Variants in MSRA observed in about 807,000 individuals in gnomAD.
MSRA encodes mitochondrial peptide methionine sulfoxide reductase.
MSRA carries 54 observed loss-of-function variants against 31.3 expected under a neutral mutation model. That is an observed-to-expected ratio of 1.73 (90% CI 1.39 to 2.17). MSRA has a LOEUF of 2.17. Among genes scored for constraint, MSRA ranks in the 30% most tolerant of loss-of-function variants. The probability of loss-of-function intolerance (pLI) is 0.00; values close to 1 mark genes in which losing one functional copy is unlikely to be tolerated. For missense variants in MSRA, 507 were observed against 300.9 expected, an observed-to-expected ratio of 1.69 and a Z score of -5.07; for synonymous variants, 169 against 116.5, an observed-to-expected ratio of 1.45 and a Z score of -2.90.
chr8:10,087,177 A>T (rs11774162), intron 1 of MSRA, among the ~76,000 whole-genome samples: 2 of 152,292 alleles, frequency 1.3e-5, no homozygotes, highest in Non-Finnish European at 2.9e-5. Flanking sequence ...ATGTGCCTCT[A>T]TATTTCCCAG....
intron 3 of MSRA, among the ~76,000 whole-genome samples, chr8:10,260,460 C>G (rs1585301056): frequency 6.6e-6 from 1 of 152,152 alleles, no homozygotes; most frequent in African/African-American, 2.4e-5. Context: ...TCTAGCGGCA[C>G]ACGTACACAA....
chr8:10,239,381 C>G (rs964155975), intron 2 of MSRA, among the ~76,000 whole-genome samples: 1 of 152,150 alleles, frequency 6.6e-6, no homozygotes, highest in African/African-American at 2.4e-5. Context: ...AGGATGGCCT[C>G]GATGTCTTGA....
At chr8:10,323,625 G>A (rs547131977) in intron 5 of MSRA, among the ~76,000 whole-genome samples, 22 of 152,204 alleles carry the variant, frequency 1.4e-4, no homozygotes, top group African/African-American at 5.3e-4. Flanking sequence ...ATTAATTAAT[G>A]AGCTGCTATA....
chr8:10,299,669 A>G (rs565617365), intron 3 of MSRA, among the ~76,000 whole-genome samples: 1 of 152,312 alleles, frequency 6.6e-6, no homozygotes, highest in East Asian at 1.9e-4. Context: ...CACTAATAAT[A>G]TAAATTCATC....
At chr8:10,267,746 T>A (rs1256810147) in intron 3 of MSRA, among the ~76,000 whole-genome samples, 3 of 152,146 alleles carry the variant, frequency 2.0e-5, no homozygotes, top group Non-Finnish European at 4.4e-5. Context: ...TTTCGCTATC[T>A]GCCAGAAGGG....
chr8:10,156,515 T>C (rs1317787121), intron 1 of MSRA, among the ~76,000 whole-genome samples: 3 of 152,180 alleles, frequency 2.0e-5, no homozygotes, highest in Non-Finnish European at 4.4e-5. Flanking sequence ...GTTATCAGTA[T>C]TCAATGCTAT....
At chr8:10,141,094 A>G (rs1802666318) in intron 1 of MSRA, among the ~76,000 whole-genome samples, 1 of 152,202 alleles carries the variant, frequency 6.6e-6, no homozygotes, top group Non-Finnish European at 1.5e-5. Flanking sequence ...AGGCACTCAA[A>G]TCCAACAAAC....
chr8:10,376,893 A>G (rs1585623804), intron 5 of MSRA, among the ~76,000 whole-genome samples: 1 of 152,224 alleles, frequency 6.6e-6, no homozygotes, highest in East Asian at 1.9e-4. Context: ...GTATCATTGC[A>G]CTGAAGTCAG....
At chr8:10,383,031 C>T (rs1032508524) in intron 5 of MSRA, among the ~76,000 whole-genome samples, 32 of 152,214 alleles carry the variant, frequency 2.1e-4, no homozygotes, top group Non-Finnish European at 2.4e-4. Flanking sequence ...GTAGGGGCTT[C>T]CCTAAAGATC....
chr8:10,301,467 G>A, intron 3 of MSRA, 67 bp from the exon 4 acceptor site: 1 of 1,253,528 alleles, frequency 8.0e-7, no homozygotes, highest in Non-Finnish European at 1.2e-6. Context: ...TTTTTTTTGT[G>A]AACAAAAAAC....
intron 1 of MSRA, among the ~76,000 whole-genome samples, chr8:10,130,613 T>G (rs1169813533): frequency 6.6e-6 from 1 of 152,222 alleles, no homozygotes; most frequent in East Asian, 1.9e-4. Flanking sequence ...GGCGTCACTA[T>G]GCACACACAC....
At chr8:10,378,053 G>A (rs1404255838) in intron 5 of MSRA, among the ~76,000 whole-genome samples, 2 of 152,254 alleles carry the variant, frequency 1.3e-5, no homozygotes, top group East Asian at 1.9e-4. Context: ...GCCAGCAGAT[G>A]TCTTTATCAG....
At chr8:10,159,490 A>G (rs150383226) in intron 1 of MSRA, among the ~76,000 whole-genome samples, 1 of 152,194 alleles carries the variant, frequency 6.6e-6, no homozygotes, top group Non-Finnish European at 1.5e-5. Flanking sequence ...TTACTTCTGG[A>G]GCTTTGTGAT....
At chr8:10,138,564 T>G (rs985498582) in intron 1 of MSRA, among the ~76,000 whole-genome samples, 6 of 152,250 alleles carry the variant, frequency 3.9e-5, no homozygotes, top group Non-Finnish European at 8.8e-5. Flanking sequence ...TGACATTCTT[T>G]TATTCAATGT....
At chr8:10,240,104 C>T (rs775101974) in intron 2 of MSRA, among the ~76,000 whole-genome samples, 12 of 152,090 alleles carry the variant, frequency 7.9e-5, no homozygotes, top group Admixed American at 1.3e-4. Flanking sequence ...TGGCCAAGAC[C>T]CTGAAGGCAG....
intron 1 of MSRA, among the ~76,000 whole-genome samples, chr8:10,185,903 T>A (rs973056593): frequency 6.6e-6 from 1 of 152,058 alleles, no homozygotes. Flanking sequence ...TCATTTTTTT[T>A]TTCAGAGAAG....
At chr8:10,187,811 G>T (rs1393966254) in intron 1 of MSRA, among the ~76,000 whole-genome samples, 1 of 152,162 alleles carries the variant, frequency 6.6e-6, no homozygotes, top group Admixed American at 6.5e-5. Context: ...TTCAGAGGTA[G>T]TTCTATAGTA....
At chr8:10,092,231 T>C (rs1798894072) in intron 1 of MSRA, among the ~76,000 whole-genome samples, 1 of 152,208 alleles carries the variant, frequency 6.6e-6, no homozygotes, top group African/African-American at 2.4e-5. Flanking sequence ...TTTCTTTTTT[T>C]GGTCTGTATT....
intron 1 of MSRA, among the ~76,000 whole-genome samples, chr8:10,100,798 A>T (rs773500613): frequency 6.6e-6 from 1 of 152,138 alleles, no homozygotes; most frequent in Non-Finnish European, 1.5e-5. Context: ...ATTGCACGTT[A>T]TCAGAGGAGA....
Sources: gnomAD v4.1 joint callset for allele counts (sites outside exome capture counted in the v4.1 genomes callset) on GRCh38, gnomAD v4.1.1 for gene constraint, MANE v1.5 for transcripts, NCBI Gene and HGNC (gene_info 2026-07-23, HGNC 2026-07-21) for gene names.